The following MARCHF10 variants were observed in gnomAD, a reference collection of about 807,000 sequenced individuals.
The protein encoded by MARCHF10 is membrane associated ring-CH-type finger 10.
A neutral mutation model predicts 76.2 loss-of-function variants in MARCHF10; 64 were observed. That is an observed-to-expected ratio of 0.84 (90% CI 0.69 to 1.03). The LOEUF is 1.03. Among genes scored for constraint, MARCHF10 ranks in the 50% least tolerant of loss-of-function variants. The pLI is 0.00. For synonymous variants in MARCHF10, 340 were observed against 357.5 expected (o/e 0.95, Z 0.55); for missense variants, 875 against 958.0 (o/e 0.91, Z 1.14).
At chr17:62,785,750 T>C (rs2092734313) in intron 3 of MARCHF10, among the ~76,000 whole-genome samples, 1 of 152,264 alleles carries the variant, frequency 6.6e-6, no homozygotes, top group Non-Finnish European at 1.5e-5. Flanking sequence ...AGAAGACATC[T>C]ATGCAGCCAA....
intron 2 of MARCHF10, 48 bp downstream of exon 2, chr17:62,801,598 A>C: frequency 1.3e-6 from 2 of 1,486,556 alleles, no homozygotes; most frequent in Non-Finnish European, 1.9e-6. Context: ...AATTCTCTCT[A>C]AATACTGCAA....
chr17:62,804,887 G>C (rs2093138428), intron 1 of MARCHF10: 1 of 152,216 alleles, frequency 6.6e-6, no homozygotes, highest in African/African-American at 2.4e-5. Flanking sequence ...GATGGGACAG[G>C]CGACATCTCT....
intron 3 of MARCHF10, among the ~76,000 whole-genome samples, chr17:62,786,058 T>A (rs1206080545): frequency 6.6e-6 from 1 of 152,226 alleles, no homozygotes; most frequent in Non-Finnish European, 1.5e-5. Context: ...TTATAAATCA[T>A]GCTACTATAA....
At position 62,736,934 on chromosome 17, in the gene MARCHF10, A is replaced by C. The variant is rs748642330; in HGVS notation, c.934T>G (p.Ser312Ala). Residue 312 changes from serine (S) to alanine (A), a missense_variant, in exon 6 of 11, where the codon TCC becomes GCC. Physicochemically the swap from Ser to Ala is moderately conservative, Grantham distance 99. Transcript: ENST00000311269. ...WVGVRSPCSP[S>A]HHKRSRFGGT... ...CCAAATCTACTTCTTTTGTGATGGG[A>C]AGGAGAACAGGGTGAGCGCACACCA... The C allele has an allele frequency of 6.2e-7, 1 of 1,613,982 alleles. No homozygotes were observed. Among genetic ancestry groups the C allele is most frequent in the South Asian group, 1.1e-5 (1 of 91,050 alleles).
At chr17:62,715,122 A>T (rs1377436809) in intron 8 of MARCHF10, among the ~76,000 whole-genome samples, 1 of 152,136 alleles carries the variant, frequency 6.6e-6, no homozygotes, top group East Asian at 1.9e-4. Flanking sequence ...TACTTCTAAC[A>T]AGTTCCCAGA....
intron 8 of MARCHF10, among the ~76,000 whole-genome samples, chr17:62,713,878 A>G (rs1450275503): frequency 6.6e-6 from 1 of 152,220 alleles, no homozygotes; most frequent in Non-Finnish European, 1.5e-5. Context: ...AAACAGCGCA[A>G]AAGGGCTCCG....
At chr17:62,714,117 G>A (rs749790881) in intron 8 of MARCHF10, among the ~76,000 whole-genome samples, 23 of 152,250 alleles carry the variant, frequency 1.5e-4, no homozygotes, top group Non-Finnish European at 5.9e-5. Context: ...GATGGAGCCA[G>A]GCCAGGCCTG....
intron 2 of MARCHF10, among the ~76,000 whole-genome samples, chr17:62,799,745 T>C (rs1432120892): frequency 1.4e-5 from 2 of 142,626 alleles, no homozygotes; most frequent in East Asian, 4.0e-4. Flanking sequence ...CAACTCTGTC[T>C]CAAAAAAAAA....
Position 62,701,357 on chromosome 17 carries a change from T to A in MARCHF10, c.*346A>T, listed in dbSNP as rs752854348. 1.2e-5 allele frequency: 4 copies of A among 343,936 alleles called. No individual in the cohort carries two copies. In the East Asian group the frequency reaches 1.6e-4, roughly 14 times the overall value. The allele number at this position is 343,936 out of a possible 1,614,324, so 21.3% of individuals were successfully genotyped here. A position where few individuals can be genotyped will look rare whatever the true frequency, so the allele number is the denominator to read the frequency against. On this transcript the variant is annotated 3_prime_UTR_variant, in exon 11 of 11. Coordinates refer to ENST00000311269, the MANE Select transcript of MARCHF10 (RefSeq NM_152598.4). ...TTACTGAATGAATACATGGCTCGAGTCCATTCAGGGTGGAGTGAGGCCTGG... is the reference window on the plus strand; with the variant it reads ...TTACTGAATGAATACATGGCTCGAGACCATTCAGGGTGGAGTGAGGCCTGG...
intron 6 of MARCHF10, 105 bp from the exon 7 acceptor site, chr17:62,725,209 C>T: frequency 2.0e-6 from 2 of 1,003,928 alleles, no homozygotes; most frequent in Non-Finnish European, 2.8e-6. Flanking sequence ...GCTCCTGGTA[C>T]TCACCCGCTG....
At chr17:62,734,142 C>G (rs1443457520) in intron 6 of MARCHF10, among the ~76,000 whole-genome samples, 2 of 152,014 alleles carry the variant, frequency 1.3e-5, no homozygotes, top group Non-Finnish European at 2.9e-5. Context: ...CGCGATCATG[C>G]CACTGCGCTC....
intron 2 of MARCHF10, among the ~76,000 whole-genome samples, chr17:62,801,122 G>A (rs1009050179): frequency 6.6e-6 from 1 of 152,090 alleles, no homozygotes; most frequent in Admixed American, 6.5e-5. Flanking sequence ...GATAATACTA[G>A]AAGTGGATAC....
chr17:62,708,651 G>A (rs893852905), intron 9 of MARCHF10, among the ~76,000 whole-genome samples: 1 of 152,216 alleles, frequency 6.6e-6, no homozygotes, highest in African/African-American at 2.4e-5. Context: ...ATATAAAAGA[G>A]ATAAAGGTTC....
intron 4 of MARCHF10, 75 bp downstream of exon 4, chr17:62,759,760 C>A (rs980770749): frequency 1.4e-6 from 2 of 1,480,374 alleles, no homozygotes; most frequent in African/African-American, 2.8e-5. Context: ...CGTGAGCCAC[C>A]GTGCTCGGCC....
chr17:62,739,358 T>C (rs2091416720), intron 5 of MARCHF10, among the ~76,000 whole-genome samples: 1 of 151,330 alleles, frequency 6.6e-6, no homozygotes, highest in African/African-American at 2.4e-5. Context: ...TCCAGAGGAG[T>C]TGGCAGTGCA....
chr17:62,717,889 G>A (rs913321697), intron 8 of MARCHF10, among the ~76,000 whole-genome samples: 2 of 152,192 alleles, frequency 1.3e-5, no homozygotes, highest in South Asian at 2.1e-4. Context: ...TTTCTAGAAG[G>A]TGCTTGTAGC....
At chr17:62,782,345 C>CTTT (rs10676023) in intron 3 of MARCHF10, among the ~76,000 whole-genome samples, 5,829 of 106,958 alleles carry the variant, frequency 0.054, 855 homozygotes, top group African/African-American at 0.21. Flanking sequence ...AACAACTGTT[C>CTTT]TTTTTTTTTT....
chr17:62,714,248 G>A (rs2090078112), intron 8 of MARCHF10: 1 of 275,504 alleles, frequency 3.6e-6, no homozygotes, highest in Non-Finnish European at 5.5e-6. Context: ...TACCTGGAAA[G>A]CGCTGCCGGC....
At chr17:62,743,352 T>C (rs1001978097) in intron 5 of MARCHF10, among the ~76,000 whole-genome samples, 1 of 152,122 alleles carries the variant, frequency 6.6e-6, no homozygotes, top group Non-Finnish European at 1.5e-5. Context: ...ATATCACATT[T>C]AAAAACAAAG....
Sources: gnomAD v4.1 joint callset for allele counts (sites outside exome capture counted in the v4.1 genomes callset) on GRCh38, gnomAD v4.1.1 for gene constraint, MANE v1.5 for transcripts, NCBI Gene and HGNC (gene_info 2026-07-23, HGNC 2026-07-21) for gene names.